The following PGM3 variants were observed in gnomAD, a reference collection of about 807,000 sequenced individuals.
The protein encoded by PGM3 is phosphoacetylglucosamine mutase.
Under a neutral mutation model 66.2 loss-of-function variants are expected in PGM3, and 40 were observed. The ratio of observed to expected loss-of-function variants is 0.60; its 90% confidence interval spans 0.47 to 0.79. PGM3 has a LOEUF of 0.79. Ranked by LOEUF, PGM3 falls within the 30% of genes least tolerant of loss-of-function variation. PGM3 has a pLI of 0.00. For synonymous variants in PGM3, 191 were observed against 224.2 expected (o/e 0.85, Z 1.32); for missense variants, 537 against 643.4 (o/e 0.83, Z 1.79).
At chr6:83,192,128 T>C (rs1487412498) in intron 1 of PGM3, among the ~76,000 whole-genome samples, 1 of 151,814 alleles carries the variant, frequency 6.6e-6, no homozygotes, top group Non-Finnish European at 1.5e-5. Context: ...TAGCCTGGCG[T>C]GGTGGTGCGC....
chr6:83,187,945 T>C (rs897757116), intron 3 of PGM3, among the ~76,000 whole-genome samples: 3 of 152,216 alleles, frequency 2.0e-5, no homozygotes, highest in African/African-American at 7.2e-5. Context: ...GTTACTCTGC[T>C]ACCATCGTCG....
the PGM3 span, among the ~76,000 whole-genome samples, chr6:83,152,583 C>G: frequency 6.6e-6 from 1 of 151,210 alleles, no homozygotes; most frequent in Non-Finnish European, 1.5e-5. Flanking sequence ...CTTCCCTTCT[C>G]CATGTCCTAT....
At position 83,167,291 on chromosome 6, in the gene PGM3, C is replaced by T. The variant is rs556975649; in HGVS notation, c.*1943G>A. 3.9e-4 allele frequency: 386 copies of T among 985,316 alleles called. No individual in the cohort carries two copies. The African/African-American group carries it at 6.3e-3, about 16-fold the overall frequency. The allele number at this position is 985,316 out of a possible 1,614,324, so 61.0% of individuals were successfully genotyped here. A position where few individuals can be genotyped will look rare whatever the true frequency, so the allele number is the denominator to read the frequency against. On this transcript the variant is annotated 3_prime_UTR_variant, in exon 13 of 13. Coordinates refer to ENST00000513973, the MANE Select transcript of PGM3 (RefSeq NM_015599.3). ...TTCCTCCCTATGTTGTTTAGCACAACCCAGAAGGAGACAGCAGTGTCTCCT... is the reference window on the plus strand; with the variant it reads ...TTCCTCCCTATGTTGTTTAGCACAATCCAGAAGGAGACAGCAGTGTCTCCT...
At chr6:83,173,938 C>T (rs188039083) in intron 10 of PGM3, among the ~76,000 whole-genome samples, 1 of 152,002 alleles carries the variant, frequency 6.6e-6, no homozygotes, top group Non-Finnish European at 1.5e-5. Context: ...AGGTTTCACC[C>T]TGTTAGCCAG....
chr6:83,181,687 G>T (rs961638451), intron 6 of PGM3, 49 bp downstream of exon 6: 2 of 1,278,306 alleles, frequency 1.6e-6, no homozygotes, highest in African/African-American at 3.0e-5. Context: ...AGTGAGATTG[G>T]CTTCAAAGAG....
chr6:83,151,991 A>G, the PGM3 span: 2 of 1,613,806 alleles, frequency 1.2e-6, no homozygotes, highest in African/African-American at 1.3e-5. Flanking sequence ...TCCCAAAATA[A>G]TGGTAGATGG....
At chr6:83,170,770 A>G (rs1007681212) in intron 11 of PGM3, 8 of 245,694 alleles carry the variant, frequency 3.3e-5, no homozygotes, top group Non-Finnish European at 4.7e-5. Flanking sequence ...CAAAAACAGG[A>G]TAAGTGGTAG....
rs533094681 is a variant in PGM3, at chr6:83,165,823, C to A, written c.*3411G>T. 3.0e-4 allele frequency: 96 copies of A among 315,282 alleles called. No individual in the cohort carries two copies. Among genetic ancestry groups the A allele is most frequent in the African/African-American group, 2.0e-3 (91 of 46,248 alleles). The allele number at this position is 315,282 out of a possible 1,614,324, so 19.5% of individuals were successfully genotyped here. A position where few individuals can be genotyped will look rare whatever the true frequency, so the allele number is the denominator to read the frequency against. Reference sequence around the variant, plus strand: ...AAAGAATTGGGCCCTTTCTGGTGGCCAATGCCGGCTGCAGGCATTGCAGTT... The same window carrying A: ...AAAGAATTGGGCCCTTTCTGGTGGCAAATGCCGGCTGCAGGCATTGCAGTT... On this transcript the variant is annotated 3_prime_UTR_variant, in exon 13 of 13. Transcript: ENST00000513973.
intron 8 of PGM3, 150 bp from the exon 9 acceptor site, chr6:83,176,210 C>T (rs188254840): frequency 3.7e-5 from 21 of 560,028 alleles, no homozygotes; most frequent in Admixed American, 2.2e-4. Context: ...CAAAATGGTA[C>T]GTATACAATG....
chr6:83,189,913 C>A (rs996500642), intron 2 of PGM3, among the ~76,000 whole-genome samples: 1 of 152,120 alleles, frequency 6.6e-6, no homozygotes, highest in East Asian at 1.9e-4. Context: ...AGGCTCATAA[C>A]ATACATGTGT....
chr6:83,193,361 G>T (rs988589066), upstream of PGM3: 1 of 151,240 alleles, frequency 6.6e-6, no homozygotes, highest in Non-Finnish European at 1.5e-5. Flanking sequence ...CTCGCCGCAG[G>T]TCGCGCGCAG....
At chr6:83,160,240 A>G (rs1446630226), downstream of PGM3, among the ~76,000 whole-genome samples, 2 of 152,210 alleles carry the variant, frequency 1.3e-5, no homozygotes, top group Non-Finnish European at 1.5e-5. Context: ...TACTCATACT[A>G]TGGTGGCTCA....
chr6:83,166,410 C>A lies in PGM3; in HGVS notation c.*2824G>T, dbSNP rs1221954958. 7.1e-6 allele frequency: 5 copies of A among 702,022 alleles called. No homozygotes were observed. Among genetic ancestry groups the A allele is most frequent in the Admixed American group, 2.0e-5 (1 of 49,952 alleles). The allele number at this position is 702,022 out of a possible 1,614,324, so 43.5% of individuals were successfully genotyped here. On this transcript the variant is annotated 3_prime_UTR_variant, in exon 13 of 13. Coordinates refer to ENST00000513973, the MANE Select transcript of PGM3 (RefSeq NM_015599.3). ...CATCACGGCACTGTATGTTCATTAG[C>A]AGTTCCTGGGCCAAATGCATTGTTG...
intron 4 of PGM3, 46 bp downstream of exon 4, chr6:83,186,962 G>A: frequency 9.3e-7 from 1 of 1,074,028 alleles, no homozygotes; most frequent in Non-Finnish European, 1.4e-6. Flanking sequence ...GTAAATTAAA[G>A]TTTTTTAAAT....
At chr6:83,154,160 G>A in the PGM3 span, 56 of 1,613,176 alleles carry the variant, frequency 3.5e-5, no homozygotes, top group Admixed American at 6.7e-5. Flanking sequence ...ATTACATGTT[G>A]TAATCCTTAT....
chr6:83,181,801 GA>G lies in PGM3; in HGVS notation c.721del (p.Ser241ProfsTer14). On this transcript the variant is annotated frameshift_variant, in exon 6 of 13. Coordinates refer to ENST00000513973, the MANE Select transcript of PGM3 (RefSeq NM_015599.3). LOFTEE classifies it high-confidence loss of function. ...GLSVQLFNDG[S>X]KGKLNHLCGA... Reference sequence around the variant, plus strand: ...ACATAAATGATTGAGTTTGCCCTTGGACCCATCATTAAACAGCTGAACTGAC... The same window carrying G: ...ACATAAATGATTGAGTTTGCCCTTGGCCCATCATTAAACAGCTGAACTGAC... The G allele has an allele frequency of 4.3e-6, 7 of 1,613,948 alleles. No individual in the cohort carries two copies. The highest frequency in any genetic ancestry group is 5.9e-6 in the Non-Finnish European group (7 of 1,179,932).
Position 83,179,791 on chromosome 6 carries a change from G to T in PGM3, c.945+19C>A. On this transcript the variant is annotated intron_variant, in intron 7 of 12. Coordinates refer to ENST00000513973, the MANE Select transcript of PGM3 (RefSeq NM_015599.3). ...CTACTAAGTCTTGTTTTAGAGGGTA[G>T]CCAATCCCCCCACCATACCTCCACC... The T allele has an allele frequency of 1.9e-6, 3 of 1,590,788 alleles. No individual in the cohort carries two copies. Among genetic ancestry groups the T allele is most frequent in the Non-Finnish European group, 2.6e-6 (3 of 1,166,498 alleles).
chr6:83,154,263 T>A, the PGM3 span: 1 of 1,603,462 alleles, frequency 6.2e-7, no homozygotes, highest in African/African-American at 1.3e-5. Context: ...GGGATGACAA[T>A]CCAAGTTCTT....
rs766105082 is a variant in PGM3, at chr6:83,187,030, A to G, written c.435T>C (p.Thr145=). The G allele has an allele frequency of 6.3e-6, 10 of 1,598,892 alleles. No homozygotes were observed. The highest frequency in any genetic ancestry group is 6.9e-6 in the Non-Finnish European group (8 of 1,166,778). ...KLSQSVIDGV[T]VLGGQFHDYG... is the part of the protein sequence containing the mutation. The stretch of plus-strand genomic sequence containing the variant: ...TACCATGGAATTGACCTCCTAGAAC[A>G]GTCACACCATCTATTACAGATTGTG... Residue 145 remains threonine, a synonymous_variant, in exon 4 of 13, where the codon ACT becomes ACC. Transcript: ENST00000513973.
Sources: gnomAD v4.1 joint callset for allele counts (sites outside exome capture counted in the v4.1 genomes callset) on GRCh38, gnomAD v4.1.1 for gene constraint, MANE v1.5 for transcripts, NCBI Gene and HGNC (gene_info 2026-07-23, HGNC 2026-07-21) for gene names.